The following CACHD1 variants were observed in gnomAD, a reference collection of about 807,000 sequenced individuals.
CACHD1 encodes the protein VWFA and cache domain-containing protein 1.
CACHD1 carries 71 observed loss-of-function variants against 138.7 expected under a neutral mutation model. That is an observed-to-expected ratio of 0.51 (90% confidence interval 0.42 to 0.62). The LOEUF is 0.62. CACHD1 is among the 20% of genes least tolerant of loss of function. The pLI, the probability that CACHD1 is intolerant of heterozygous loss-of-function variation, is 0.00. For synonymous variants in CACHD1, 578 were observed against 591.5 expected, an observed-to-expected ratio of 0.98 and a Z score of 0.33; for missense variants, 1,389 against 1,625.3, an observed-to-expected ratio of 0.85 and a Z score of 2.50.
chr1:64,505,850 C>G, intron 1 of CACHD1: 1 of 107,816 alleles, frequency 9.3e-6, no homozygotes, highest in South Asian at 2.8e-4. Context: ...CCCGGCCTCG[C>G]CCCGCCCCGC....
rs916484474 is a variant in CACHD1, at chr1:64,522,348, C to A, written c.199-28246C>A. ...TTTTGAGATGAAGCTCGCTGTGTCT[C>A]CCAGACTAGAGTGCAGTGGCATGAT... On this transcript the variant is annotated intron_variant, in intron 1 of 26. Coordinates refer to ENST00000651257, the MANE Select transcript of CACHD1 (RefSeq NM_020925.4). Among the ~76,000 whole-genome samples, 9 of 151,784 alleles carry A rather than the reference C, an allele frequency of 5.9e-5. No homozygotes were observed. In the East Asian group the frequency reaches 1.5e-3, roughly 26 times the overall value.
intron 2 of CACHD1, among the ~76,000 whole-genome samples, chr1:64,567,019 G>C (rs1557496783): frequency 2.6e-5 from 4 of 152,188 alleles, no homozygotes; most frequent in South Asian, 2.1e-4. Flanking sequence ...TTAAACTCCT[G>C]AGTATAGGGA....
In CACHD1 at chr1:64,477,631, TTTA is replaced by T. The variant is rs1557455126; in HGVS notation, c.198+6692_198+6694del. On this transcript the variant is annotated intron_variant, in intron 1 of 26. Transcript: ENST00000651257. Reference sequence around the variant, plus strand: ...ATTATTATTATTATTATTATTTTATTTTATTTTTTTTTTTGAGACGGAGTCTCG... The same window carrying T: ...ATTATTATTATTATTATTATTTTATTTTTTTTTTTTTGAGACGGAGTCTCG... Among the ~76,000 whole-genome samples the T allele has an allele frequency of 5.5e-3, 696 of 126,862 alleles. 5 individuals carry two copies. The highest frequency in any genetic ancestry group is 8.9e-3 in the African/African-American group (248 of 28,008). The allele number at this position is 126,862 out of a possible 152,430, so 83.2% of individuals were successfully genotyped here. A position where few individuals can be genotyped will look rare whatever the true frequency, so the allele number is the denominator to read the frequency against.
Position 64,576,027 on chromosome 1 carries a change from A to G in CACHD1, c.262-6129A>G, listed in dbSNP as rs918109814. 3.3e-5 allele frequency among the ~76,000 whole-genome samples: 5 copies of G among 152,164 alleles called. No individual in the cohort carries two copies. In the South Asian group the frequency reaches 6.2e-4, roughly 19 times the overall value. On this transcript the variant is annotated intron_variant, in intron 2 of 26. Transcript: ENST00000651257. ...TAATGACAAATTAGAATCCGTTCCC[A>G]TGGGGACCGCACGCTACCTACTGAT...
intron 3 of CACHD1, among the ~76,000 whole-genome samples, chr1:64,601,424 G>A (rs72914229): frequency 0.047 from 7,169 of 152,290 alleles, 583 homozygotes; most frequent in African/African-American, 0.16. Flanking sequence ...ACTGGAGCAG[G>A]TCCAAGGAAG....
At chr1:64,491,504 T>C (rs1201101180) in intron 1 of CACHD1, among the ~76,000 whole-genome samples, 4 of 152,084 alleles carry the variant, frequency 2.6e-5, no homozygotes, top group Admixed American at 2.6e-4. Context: ...CACACTTTTA[T>C]ACCATCAGAT....
rs1648729317 is a variant in CACHD1, at chr1:64,641,908, C to G, written c.1095C>G (p.Ile365Met). ...ATAAAAAAGCGACTCTCCAAGTCAT[C>G]AATGAAGAAAATAGCTTTCTAAACA... ...EEDKKATLQVINEENSFLNNS... is the reference protein window; with the variant it reads ...EEDKKATLQVMNEENSFLNNS... The change falls in exon 8 of 27, where the codon ATC (isoleucine) becomes ATG (methionine). Residue 365 changes from isoleucine (I) to methionine (M), a missense_variant. Coordinates refer to ENST00000651257, the MANE Select transcript of CACHD1 (RefSeq NM_020925.4). The G allele has an allele frequency of 6.2e-7, 1 of 1,606,526 alleles. No homozygotes were observed. The highest frequency in any genetic ancestry group is 8.5e-7 in the Non-Finnish European group (1 of 1,177,270).
intron 8 of CACHD1, among the ~76,000 whole-genome samples, chr1:64,647,286 T>A (rs901566909): frequency 2.6e-5 from 4 of 152,202 alleles, no homozygotes; most frequent in Non-Finnish European, 4.4e-5. Flanking sequence ...TTTGGAGGCA[T>A]CAGTAAATGC....
intron 1 of CACHD1, among the ~76,000 whole-genome samples, chr1:64,479,758 C>T (rs552873477): frequency 6.6e-6 from 1 of 152,290 alleles, no homozygotes; most frequent in East Asian, 1.9e-4. Flanking sequence ...GTTTTTCTCC[C>T]TTTGCTTGCC....
chr1:64,559,187 CAT>C (rs1245297624), intron 2 of CACHD1, among the ~76,000 whole-genome samples: 11 of 152,176 alleles, frequency 7.2e-5, no homozygotes, highest in Admixed American at 2.6e-4. Context: ...TCTAAAGACA[CAT>C]GTGTGCGAAT....
chr1:64,625,033 T>C (rs1423191746), intron 4 of CACHD1, among the ~76,000 whole-genome samples: 1 of 152,248 alleles, frequency 6.6e-6, no homozygotes, highest in Non-Finnish European at 1.5e-5. Flanking sequence ...TGGGTCATTA[T>C]GACAAAGACC....
At chr1:64,596,431 C>G (rs1250960172) in intron 3 of CACHD1, among the ~76,000 whole-genome samples, 2 of 152,124 alleles carry the variant, frequency 1.3e-5, no homozygotes, top group African/African-American at 2.4e-5. Context: ...GTAAACCAGA[C>G]CCTGTTAGGC....
chr1:64,661,579 G>A (rs1367905261), intron 13 of CACHD1, among the ~76,000 whole-genome samples: 1 of 152,132 alleles, frequency 6.6e-6, no homozygotes, highest in Non-Finnish European at 1.5e-5. Flanking sequence ...TTCTTACACT[G>A]TTATTTTTCT....
chr1:64,654,547 T>C, intron 11 of CACHD1, 139 bp from the exon 12 acceptor site: 1 of 649,904 alleles, frequency 1.5e-6, no homozygotes, highest in South Asian at 1.9e-5. Context: ...AATCTCACAT[T>C]ATCCTTTCAA....
At chr1:64,640,195 G>A (rs10789161) in intron 7 of CACHD1, among the ~76,000 whole-genome samples, 149,403 of 152,262 alleles carry the variant, frequency 0.98, 73,385 homozygotes, top group East Asian at 1. Flanking sequence ...AAGGGAGGCA[G>A]CTACCCCAGG....
At chr1:64,481,516 G>A (rs564359384) in intron 1 of CACHD1, among the ~76,000 whole-genome samples, 60 of 152,318 alleles carry the variant, frequency 3.9e-4, no homozygotes, top group South Asian at 2.3e-3. Flanking sequence ...CGCAGAGAGT[G>A]CAGCTGTCCT....
rs1646133802 is a variant in CACHD1, at chr1:64,470,238, T to C, written c.-507T>C. On this transcript the variant is annotated 5_prime_UTR_variant, in exon 1 of 27. Coordinates refer to ENST00000651257, the MANE Select transcript of CACHD1 (RefSeq NM_020925.4). This position sits in a 1 kb window ranked among gnomAD's most constrained non-coding sequence, Gnocchi z 5.2. ...TGTGTGGGTTTGTGAAGCCTCCCCT[T>C]TCCCTCCTCGCTCGGGTGGCTGCCC... Among the ~76,000 whole-genome samples, 1 of 152,046 alleles carries C rather than the reference T, an allele frequency of 6.6e-6. No individual in the cohort carries two copies. The highest frequency in any genetic ancestry group is 2.4e-5 in the African/African-American group (1 of 41,532).
intron 3 of CACHD1, among the ~76,000 whole-genome samples, chr1:64,586,675 AT>A (rs1259593672): frequency 2.6e-5 from 4 of 152,040 alleles, no homozygotes; most frequent in Non-Finnish European, 5.9e-5. Flanking sequence ...ATACTTAGAC[AT>A]TTTTTTAAAT....
chr1:64,688,258 T>G (rs1343992050), intron 26 of CACHD1, among the ~76,000 whole-genome samples: 2 of 152,122 alleles, frequency 1.3e-5, no homozygotes, highest in Non-Finnish European at 2.9e-5. Context: ...AAAATCCTGT[T>G]TTCTACTTTA....
Sources: gnomAD v4.1 joint callset for allele counts (sites outside exome capture counted in the v4.1 genomes callset) on GRCh38, gnomAD v4.1.1 for gene constraint, Gnocchi (gnomAD v3.1) non-coding constraint, MANE v1.5 for transcripts, NCBI Gene and HGNC (gene_info 2026-07-23, HGNC 2026-07-21) for gene names.